The following MYH11 variants were observed in gnomAD, a reference collection of about 807,000 sequenced individuals.
MYH11 encodes the protein myosin heavy chain 11.
A neutral mutation model predicts 246.6 loss-of-function variants in MYH11; 80 were observed. That is an observed-to-expected ratio of 0.32 (90% CI 0.27 to 0.39). The LOEUF (loss-of-function observed/expected upper bound fraction) is 0.39. MYH11 is among the 10% of genes least tolerant of loss of function. MYH11 has a pLI of 1.00. For synonymous variants in MYH11, 1,071 were observed against 1,015.5 expected (o/e 1.05, Z -1.04); for missense variants, 2,158 against 2,546.8 (o/e 0.85, Z 3.29).
intron 16 of MYH11, chr16:15,749,373 C>G (rs929887373): frequency 5.9e-5 from 9 of 152,360 alleles, no homozygotes; most frequent in African/African-American, 1.9e-4. Flanking sequence ...CTTGCTTAGC[C>G]TGGGCCCTCT....
In MYH11 at chr16:15,714,999, T is replaced by C. The variant is rs79129097; in HGVS notation, c.5696A>G (p.Asn1899Ser). The C allele has an allele frequency of 1.3e-4, 210 of 1,614,034 alleles. 1 individual carries two copies. In the East Asian group the frequency reaches 4.4e-3, roughly 34 times the overall value. The change falls in exon 40 of 41, where the codon AAC becomes AGC. Residue 1899 changes from asparagine (N) to serine (S), a missense_variant. By Grantham distance (46) the Asn-to-Ser change is conservative. Transcript: ENST00000300036. Reference protein sequence around the residue: ...AEEESQRINANRRKLQRELDE... With the variant: ...AEEESQRINASRRKLQRELDE... ...CAGCTCCCGCTGCAGCTTCCTGCGG[T>C]TGGCGTTGATGCGCTGGGACTCCTC...
At chr16:15,716,970 A>G (rs985113235) in intron 38 of MYH11, among the ~76,000 whole-genome samples, 170 bp downstream of exon 38, 1 of 152,220 alleles carries the variant, frequency 6.6e-6, no homozygotes, top group African/African-American at 2.4e-5. Context: ...CCAGCAGGGC[A>G]CTTTGCTGTG....
At chr16:15,721,210 C>G in intron 32 of MYH11, 159 bp from the exon 33 acceptor site, 1 of 962,076 alleles carries the variant, frequency 1.0e-6, no homozygotes, top group Non-Finnish European at 1.6e-6. Context: ...AGTTCAGACC[C>G]CAGCCTTATC....
rs1372061572 is a variant in MYH11, at chr16:15,750,783, G to A, written c.1865-452C>T. Among the ~76,000 whole-genome samples the A allele has an allele frequency of 6.6e-6, 1 of 152,160 alleles. No homozygotes were observed. The highest frequency in any genetic ancestry group is 1.5e-5 in the Non-Finnish European group (1 of 68,040). On this transcript the variant is annotated intron_variant, in intron 15 of 40. Coordinates refer to ENST00000300036, the MANE Select transcript of MYH11 (RefSeq NM_002474.3). The surrounding 1 kb of genome is among the most constrained non-coding windows in gnomAD (Gnocchi z 4.3). ...GACCTTCTGTGCTCCAGGCCCTGGG[G>A]ACACTGCTGTGAACAAAAAAAGACC... is the stretch of plus-strand genomic sequence containing the variant.
At chr16:15,776,212 G>A in intron 7 of MYH11, 36 bp from the exon 8 acceptor site, 2 of 1,430,674 alleles carry the variant, frequency 1.4e-6, no homozygotes, top group Non-Finnish European at 2.0e-6. Flanking sequence ...TGGGGATACT[G>A]CGGGTGTTCC....
In MYH11 at chr16:15,724,725, G is replaced by A; in HGVS notation, c.4038C>T (p.Asn1346=). 1 of 1,614,188 alleles carries A rather than the reference G, an allele frequency of 6.2e-7. No homozygotes were observed. The change falls in exon 30 of 41, where the codon AAC becomes AAT. Residue 1346 remains asparagine (N), a synonymous_variant. Coordinates refer to ENST00000300036, the MANE Select transcript of MYH11 (RefSeq NM_002474.3). ...CCTCGTCCAGCTGGTCTTGCAGGCT[G>A]TTCCGCTCCTCCTCCAGCTGGCGCA... ...TKLRQLEEER[N]SLQDQLDEEM...
intron 4 of MYH11, chr16:15,790,941 A>ATTTT (rs1452567971): frequency 7.3e-6 from 1 of 136,170 alleles, no homozygotes; most frequent in African/African-American, 2.7e-5. Flanking sequence ...AACGCTCTGC[A>ATTTT]TTTTTTTTCT....
intron 10 of MYH11, 55 bp downstream of exon 10, chr16:15,763,741 T>TCGGGCC: frequency 3.2e-5 from 21 of 646,844 alleles, no homozygotes; most frequent in East Asian, 1.6e-4. Flanking sequence ...AAATGTCACC[T>TCGGGCC]CCCCCACCCC....
At chr16:15,838,306 A>C in intron 1 of MYH11, 37 bp from the exon 2 acceptor site, 2 of 1,570,906 alleles carry the variant, frequency 1.3e-6, no homozygotes, top group Non-Finnish European at 1.7e-6. Flanking sequence ...ATCAGACCAC[A>C]ACCAAGCCCG....
At chr16:15,811,700 C>G (rs1339125834) in intron 3 of MYH11, among the ~76,000 whole-genome samples, 4 of 151,978 alleles carry the variant, frequency 2.6e-5, no homozygotes, top group Non-Finnish European at 5.9e-5. Context: ...AGGATACAGC[C>G]GAGTGTGGGA....
intron 1 of MYH11, among the ~76,000 whole-genome samples, chr16:15,852,802 C>T (rs1596962157): frequency 6.6e-6 from 1 of 152,206 alleles, no homozygotes; most frequent in East Asian, 1.9e-4. Context: ...TTCCCATTTT[C>T]CTGCTAAGCC....
chr16:15,795,779 T>A (rs2042729763), intron 4 of MYH11, among the ~76,000 whole-genome samples: 1 of 152,162 alleles, frequency 6.6e-6, no homozygotes, highest in African/African-American at 2.4e-5. Context: ...AGTGACTCAT[T>A]TCATCCTTCC....
Position 15,823,298 on chromosome 16 carries a change from G to A in MYH11, c.459C>T (p.His153=), listed in dbSNP as rs1057521511. The A allele has an allele frequency of 6.8e-6, 11 of 1,614,224 alleles. No homozygotes were observed. The highest frequency in any genetic ancestry group is 2.2e-5 in the South Asian group (2 of 91,086). The change falls in exon 3 of 41, where the codon CAC becomes CAT. Residue 153 remains histidine (H), a synonymous_variant. Coordinates refer to ENST00000300036, the MANE Select transcript of MYH11 (RefSeq NM_002474.3). ...KGKKRHEMPP[H]IYAIADTAYR... ...AGGCCGTGTCTGCGATGGCGTAGAT[G>A]TGAGGCGGCATCTCGTGCCTCTTCT...
chr16:15,771,380 A>G (rs536754451), intron 9 of MYH11, among the ~76,000 whole-genome samples, 189 bp downstream of exon 9: 59 of 151,396 alleles, frequency 3.9e-4, no homozygotes, highest in East Asian at 2.7e-3. Flanking sequence ...CCCTAGTTAT[A>G]CAGCCACTTT....
In MYH11 at chr16:15,724,372, C is replaced by A. The variant is rs2040640042; in HGVS notation, c.4154G>T (p.Ser1385Ile). The change falls in exon 31 of 41, where the codon AGC becomes ATC. Residue 1385 changes from serine (S) to isoleucine (I), a missense_variant. Transcript: ENST00000300036. ...CCCCTCTTCCAGAGCTTCCACGGTG[C>A]TGGCAAAGTCCTGCAGCTTCTTCTT... The part of the protein sequence containing the change: ...DSKKKLQDFA[S>I]TVEALEEGKK... 6.2e-7 allele frequency: 1 copy of A among 1,614,116 alleles called. No individual in the cohort carries two copies. The highest frequency in any genetic ancestry group is 8.5e-7 in the Non-Finnish European group (1 of 1,180,040).
At chr16:15,736,942 A>G (rs2041135046) in intron 25 of MYH11, among the ~76,000 whole-genome samples, 1 of 152,124 alleles carries the variant, frequency 6.6e-6, no homozygotes, top group Non-Finnish European at 1.5e-5. Context: ...GAAAAACCAG[A>G]GGAAATGGGT....
intron 3 of MYH11, among the ~76,000 whole-genome samples, chr16:15,814,080 G>A (rs1291698278): frequency 6.6e-6 from 1 of 151,854 alleles, no homozygotes; most frequent in Non-Finnish European, 1.5e-5. Flanking sequence ...GGAGGTGGAG[G>A]CTGCAGTGAG....
chr16:15,721,101 A>T (rs1469311309), intron 32 of MYH11, 50 bp from the exon 33 acceptor site: 1 of 1,598,590 alleles, frequency 6.3e-7, no homozygotes, highest in South Asian at 1.1e-5. Context: ...CTTCATGAAG[A>T]CGATTGAGAA....
At chr16:15,728,249 ACATT>A (rs2040857316) in intron 27 of MYH11, among the ~76,000 whole-genome samples, 1 of 152,162 alleles carries the variant, frequency 6.6e-6, no homozygotes, top group Non-Finnish European at 1.5e-5. Flanking sequence ...TCAATAACTA[ACATT>A]CTATGTGGTG....
Sources: allele counts gnomAD v4.1 joint callset (sites outside exome capture counted in the v4.1 genomes callset), GRCh38; gene constraint gnomAD v4.1.1; non-coding constraint Gnocchi (gnomAD v3.1); transcripts MANE v1.5; gene names NCBI Gene and HGNC (gene_info 2026-07-23, HGNC 2026-07-21).